Variants in MYO1D observed in about 807,000 individuals in gnomAD.
MYO1D encodes the protein unconventional myosin-Id.
In MYO1D, 83 loss-of-function variants were observed where a neutral mutation model predicts 122.0. The ratio of observed to expected loss-of-function variants is 0.68; its 90% CI spans 0.57 to 0.82. The LOEUF (loss-of-function observed/expected upper bound fraction) is 0.82, where lower values mean the gene tolerates loss of function less well. Among genes scored for constraint, MYO1D ranks in the 40% least tolerant of loss-of-function variants. The pLI is 0.00. For missense variants in MYO1D, 1,157 were observed against 1,269.5 expected (o/e 0.91, Z 1.35); for synonymous variants, 464 against 446.9 (o/e 1.04, Z -0.48).
chr17:32,774,372 G>T (rs2090153665), intron 4 of MYO1D, among the ~76,000 whole-genome samples: 1 of 152,154 alleles, frequency 6.6e-6, no homozygotes. Context: ...TCTGAAGAAT[G>T]AAGCTATTTT....
At chr17:32,582,096 G>C (rs2087347052) in intron 21 of MYO1D, among the ~76,000 whole-genome samples, 1 of 151,926 alleles carries the variant, frequency 6.6e-6, no homozygotes, top group African/African-American at 2.4e-5. Flanking sequence ...TAATTTTTTA[G>C]TAGAGATAGG....
At chr17:32,655,844 C>T (rs2088469269) in intron 17 of MYO1D, among the ~76,000 whole-genome samples, 1 of 152,090 alleles carries the variant, frequency 6.6e-6, no homozygotes, top group Non-Finnish European at 1.5e-5. Flanking sequence ...TGGCTATTTC[C>T]GAAACACACA....
intron 21 of MYO1D, among the ~76,000 whole-genome samples, chr17:32,533,368 C>T (rs1411120083): frequency 1.3e-5 from 2 of 152,130 alleles, no homozygotes; most frequent in Non-Finnish European, 2.9e-5. Context: ...AATCCATCAC[C>T]AAATCCTGAA....
intron 20 of MYO1D, among the ~76,000 whole-genome samples, chr17:32,618,071 T>C (rs999156795): frequency 3.3e-5 from 5 of 152,214 alleles, no homozygotes; most frequent in African/African-American, 7.2e-5. Flanking sequence ...TCTCTGTGAC[T>C]GCACGCCTGG....
intron 21 of MYO1D, among the ~76,000 whole-genome samples, chr17:32,501,578 T>TA (rs975969546): frequency 4.0e-4 from 61 of 152,152 alleles, no homozygotes; most frequent in Admixed American, 7.2e-4. Context: ...GGAGTCTCCA[T>TA]AAAAAACTCA....
chr17:32,659,607 C>T (rs2253180), intron 16 of MYO1D, among the ~76,000 whole-genome samples: 105,161 of 152,116 alleles, frequency 0.69, 36,467 homozygotes, highest in Middle Eastern at 0.78. Flanking sequence ...TGTTTTAACT[C>T]TACTGTCATG....
intron 21 of MYO1D, among the ~76,000 whole-genome samples, chr17:32,581,782 T>C (rs1290958944): frequency 6.6e-6 from 1 of 151,734 alleles, no homozygotes; most frequent in East Asian, 1.9e-4. Context: ...TGTGTGTGTT[T>C]TGAGATGGAA....
chr17:32,609,148 C>A (rs1252872743), intron 20 of MYO1D, among the ~76,000 whole-genome samples: 2 of 152,136 alleles, frequency 1.3e-5, no homozygotes, highest in Non-Finnish European at 2.9e-5. Flanking sequence ...ATATTCATTG[C>A]CTATAAATTT....
At chr17:32,592,488 T>C (rs191474616) in intron 21 of MYO1D, among the ~76,000 whole-genome samples, 1 of 152,364 alleles carries the variant, frequency 6.6e-6, no homozygotes, top group East Asian at 1.9e-4. Context: ...CTAATTCTTC[T>C]ATGATTTCAG....
chr17:32,544,481 T>G (rs1166992121), intron 21 of MYO1D, among the ~76,000 whole-genome samples: 1 of 152,130 alleles, frequency 6.6e-6, no homozygotes, highest in African/African-American at 2.4e-5. Context: ...ATTAATGAAA[T>G]AGTGGTATAT....
chr17:32,582,662 AG>A (rs1597910891), intron 21 of MYO1D, among the ~76,000 whole-genome samples: 14 of 108,128 alleles, frequency 1.3e-4, no homozygotes, highest in Admixed American at 4.8e-4. Flanking sequence ...AGTTCAACTC[AG>A]TTCAACTCAG....
At chr17:32,728,891 T>C (rs1306549022) in intron 14 of MYO1D, among the ~76,000 whole-genome samples, 2 of 152,204 alleles carry the variant, frequency 1.3e-5, no homozygotes, top group Non-Finnish European at 2.9e-5. Context: ...GATGAGACAC[T>C]AACAACCAAC....
At position 32,797,123 on chromosome 17, in the gene MYO1D, A is replaced by G. The variant is rs975289855; in HGVS notation, c.96-16339T>C. 4.6e-5 allele frequency among the ~76,000 whole-genome samples: 7 copies of G among 152,136 alleles called. No homozygotes were observed. The South Asian group carries it at 1.5e-3, about 32-fold the overall frequency. ...GTAGCTGGGATTACAGGCATCTGCCACCACACTCGGCTAATTTTTTGTATT... is the reference window on the plus strand; with the variant it reads ...GTAGCTGGGATTACAGGCATCTGCCGCCACACTCGGCTAATTTTTTGTATT... On this transcript the variant is annotated intron_variant, in intron 1 of 21. Coordinates refer to ENST00000318217, the MANE Select transcript of MYO1D (RefSeq NM_015194.3).
At chr17:32,635,471 T>G (rs2088084809) in intron 20 of MYO1D, among the ~76,000 whole-genome samples, 1 of 152,028 alleles carries the variant, frequency 6.6e-6, no homozygotes, top group South Asian at 2.1e-4. Flanking sequence ...GAGGCCAAGG[T>G]GGGCAGATCA....
intron 16 of MYO1D, among the ~76,000 whole-genome samples, chr17:32,709,220 G>C (rs1325883816): frequency 6.6e-6 from 1 of 152,040 alleles, no homozygotes; most frequent in Non-Finnish European, 1.5e-5. Context: ...GAGTAAAAGG[G>C]GTACTATTAA....
rs546434109 is a variant in MYO1D at position 32,673,011 on chromosome 17, A to C, written c.2122-13673T>G. On this transcript the variant is annotated intron_variant, in intron 16 of 21. Transcript: ENST00000318217. ...GCTTCGACCATACTTTAAAGAAAAA[A>C]AAGTCTCTTTATTGGTTAGTTAAGG... 1.1e-4 allele frequency among the ~76,000 whole-genome samples: 17 copies of C among 151,004 alleles called. No homozygotes were observed. The South Asian group carries it at 3.5e-3, about 31-fold the overall frequency.
At chr17:32,669,511 T>C (rs2088680959) in intron 16 of MYO1D, among the ~76,000 whole-genome samples, 1 of 152,196 alleles carries the variant, frequency 6.6e-6, no homozygotes. Flanking sequence ...TTTTCACTTC[T>C]TTTCTGTGAA....
At chr17:32,604,453 A>G (rs2087602139) in intron 21 of MYO1D, among the ~76,000 whole-genome samples, 2 of 152,172 alleles carry the variant, frequency 1.3e-5, no homozygotes. Flanking sequence ...CAACTCCAAT[A>G]AATAACCAGA....
chr17:32,595,613 C>T (rs1357306074), intron 21 of MYO1D, among the ~76,000 whole-genome samples: 1 of 152,162 alleles, frequency 6.6e-6, no homozygotes, highest in Non-Finnish European at 1.5e-5. Context: ...GCTAGAAGCA[C>T]CCTACCGCGA....
Sources: gnomAD v4.1 joint callset for allele counts (sites outside exome capture counted in the v4.1 genomes callset) on GRCh38, gnomAD v4.1.1 for gene constraint, MANE v1.5 for transcripts, NCBI Gene and HGNC (gene_info 2026-07-23, HGNC 2026-07-21) for gene names.